The following LRRFIP1 variants were observed in gnomAD, a reference collection of about 807,000 sequenced individuals.
The protein encoded by LRRFIP1 is leucine-rich repeat flightless-interacting protein 1.
A neutral mutation model predicts 104.4 loss-of-function variants in LRRFIP1; 62 were observed. The observed-to-expected ratio is 0.59, with a 90% CI of 0.48 to 0.73. The LOEUF is 0.73. Among genes scored for constraint, LRRFIP1 ranks in the 30% least tolerant of loss-of-function variants. The probability of loss-of-function intolerance (pLI) is 0.00; values close to 1 mark genes in which losing one functional copy is unlikely to be tolerated. For synonymous variants in LRRFIP1, 300 were observed against 299.0 expected (o/e 1.00, Z -0.03); for missense variants, 796 against 824.5 (o/e 0.97, Z 0.42).
intron 1 of LRRFIP1, among the ~76,000 whole-genome samples, chr2:237,673,168 A>G (rs2090599404): frequency 6.6e-6 from 1 of 151,950 alleles, no homozygotes; most frequent in Non-Finnish European, 1.5e-5. Flanking sequence ...ATCTTTATAC[A>G]CTGTTTCAGT....
At chr2:237,758,499 A>G (rs1041584531) in intron 17 of LRRFIP1, among the ~76,000 whole-genome samples, 5 of 152,224 alleles carry the variant, frequency 3.3e-5, no homozygotes, top group Non-Finnish European at 5.9e-5. Flanking sequence ...GTGTGCTTCA[A>G]GATGCGCATG....
chr2:237,668,142 C>A (rs895612390), intron 1 of LRRFIP1, among the ~76,000 whole-genome samples: 2 of 152,150 alleles, frequency 1.3e-5, no homozygotes, highest in African/African-American at 2.4e-5. Context: ...CTCCCCCGAG[C>A]TTGTTCCCCT....
chr2:237,755,386 C>G lies in LRRFIP1; in HGVS notation c.1039-709C>G, dbSNP rs77333497. 3.2e-3 allele frequency among the ~76,000 whole-genome samples: 484 copies of G among 152,296 alleles called. 3 individuals carry two copies. The highest frequency in any genetic ancestry group is 0.011 in the African/African-American group (468 of 41,558). On this transcript the variant is annotated intron_variant, in intron 15 of 23. Transcript: ENST00000308482. ...GGCCATGTTTATCTCCTTTTTATCCCAAAGAGTTTTCCTTGTCATATTTCA... is the reference window on the plus strand; with the variant it reads ...GGCCATGTTTATCTCCTTTTTATCCGAAAGAGTTTTCCTTGTCATATTTCA...
intron 1 of LRRFIP1, among the ~76,000 whole-genome samples, chr2:237,648,866 C>T (rs2085420002): frequency 6.6e-6 from 1 of 151,840 alleles, no homozygotes; most frequent in African/African-American, 2.4e-5. Flanking sequence ...TTGATTACCC[C>T]ACCTCACTTT....
Position 237,780,944 on chromosome 2 carries a change from C to T in LRRFIP1, c.*1412C>T, listed in dbSNP as rs1282473597. Among the ~76,000 whole-genome samples the T allele has an allele frequency of 6.6e-6, 1 of 151,778 alleles. No individual in the cohort carries two copies. The highest frequency in any genetic ancestry group is 1.5e-5 in the Non-Finnish European group (1 of 68,024). On this transcript the variant is annotated 3_prime_UTR_variant, in exon 24 of 24. Transcript: ENST00000308482. ...ATAGGGGGCTGGGGGCCAACACTGG[C>T]AAGTAGGAAACCACGGGTCGGACAG...
chr2:237,768,164 C>G (rs1351955079), intron 19 of LRRFIP1: 1 of 152,136 alleles, frequency 6.6e-6, no homozygotes, highest in Non-Finnish European at 1.5e-5. Flanking sequence ...TTCTTCATGT[C>G]AAATTATTTT....
At chr2:237,774,715 G>A (rs2279645) in intron 23 of LRRFIP1, among the ~76,000 whole-genome samples, 33,397 of 152,230 alleles carry the variant, frequency 0.22, 3,806 homozygotes, top group East Asian at 0.39. Flanking sequence ...GGTCTTGTCC[G>A]TAAACGTCAA....
chr2:237,775,972 T>TG (rs1484615417), intron 23 of LRRFIP1, among the ~76,000 whole-genome samples: 3 of 152,144 alleles, frequency 2.0e-5, no homozygotes, highest in Admixed American at 6.5e-5. Context: ...TTATTTTATT[T>TG]ATTTATTTTT....
intron 1 of LRRFIP1, among the ~76,000 whole-genome samples, chr2:237,630,246 C>G (rs1009866035): frequency 1.3e-5 from 2 of 152,190 alleles, no homozygotes; most frequent in Non-Finnish European, 1.5e-5. Context: ...ATGAAAATCA[C>G]TATTCAAATG....
At chr2:237,698,610 G>A (rs752259984) in intron 1 of LRRFIP1, among the ~76,000 whole-genome samples, 4 of 152,346 alleles carry the variant, frequency 2.6e-5, no homozygotes, top group Non-Finnish European at 2.9e-5. Context: ...CCGTCTTACC[G>A]TAAACTTTCA....
chr2:237,629,793 T>C (rs2082095500), intron 1 of LRRFIP1, among the ~76,000 whole-genome samples: 1 of 152,118 alleles, frequency 6.6e-6, no homozygotes, highest in Non-Finnish European at 1.5e-5. Flanking sequence ...TTTTATAAAA[T>C]AGATTGAAAA....
At chr2:237,642,456 C>T (rs756596248) in intron 1 of LRRFIP1, among the ~76,000 whole-genome samples, 1 of 151,724 alleles carries the variant, frequency 6.6e-6, no homozygotes, top group Non-Finnish European at 1.5e-5. Flanking sequence ...CTCCAGGCTC[C>T]AGGTTCCAGG....
At chr2:237,669,965 CA>C in intron 1 of LRRFIP1, among the ~76,000 whole-genome samples, 1 of 152,266 alleles carries the variant, frequency 6.6e-6, no homozygotes, top group East Asian at 1.9e-4. Context: ...CGTCTTTGGA[CA>C]GATTTGAATA....
At chr2:237,725,514 C>T (rs2094708828) in intron 7 of LRRFIP1, among the ~76,000 whole-genome samples, 1 of 151,986 alleles carries the variant, frequency 6.6e-6, no homozygotes, top group South Asian at 2.1e-4. Context: ...AAATACAACA[C>T]AAAAAAACAC....
chr2:237,702,712 G>A (rs1416969472), intron 1 of LRRFIP1, among the ~76,000 whole-genome samples: 1 of 152,176 alleles, frequency 6.6e-6, no homozygotes, highest in African/African-American at 2.4e-5. Context: ...GCCAGACCGA[G>A]CTATGCATGT....
intron 1 of LRRFIP1, among the ~76,000 whole-genome samples, chr2:237,642,345 T>C (rs72482139): frequency 0.09 from 13,622 of 152,180 alleles, 648 homozygotes; most frequent in African/African-American, 0.11. Context: ...TTCCAGGCTC[T>C]AGGCCTCAGG....
At chr2:237,675,405 C>T (rs761984896) in intron 1 of LRRFIP1, among the ~76,000 whole-genome samples, 119 of 152,150 alleles carry the variant, frequency 7.8e-4, no homozygotes, top group Non-Finnish European at 8.4e-4. Flanking sequence ...TAATCAGTTT[C>T]CTTCGTAACC....
At chr2:237,690,895 T>G (rs1273703616) in intron 1 of LRRFIP1, among the ~76,000 whole-genome samples, 1 of 152,146 alleles carries the variant, frequency 6.6e-6, no homozygotes, top group Non-Finnish European at 1.5e-5. Context: ...TTGGCCTCTG[T>G]TCATCTTAAG....
intron 1 of LRRFIP1, among the ~76,000 whole-genome samples, chr2:237,655,771 A>G (rs1265285390): frequency 2.0e-5 from 3 of 152,228 alleles, no homozygotes; most frequent in African/African-American, 7.2e-5. Context: ...GTTGACTGAA[A>G]CCCAACCACA....
Sources: gnomAD v4.1 joint callset for allele counts (sites outside exome capture counted in the v4.1 genomes callset) on GRCh38, gnomAD v4.1.1 for gene constraint, MANE v1.5 for transcripts, NCBI Gene and HGNC (gene_info 2026-07-23, HGNC 2026-07-21) for gene names.